Variants in NUP50 observed in about 807,000 individuals in gnomAD.
The protein encoded by NUP50 is nucleoporin 50, also known as nuclear pore complex protein Nup50.
A neutral mutation model predicts 36.8 loss-of-function variants in NUP50; 14 were observed. The ratio of observed to expected loss-of-function variants is 0.38; its 90% CI spans 0.25 to 0.59. The LOEUF is 0.59. Ranked by LOEUF, NUP50 falls within the 20% of genes least tolerant of loss-of-function variation. The pLI is 0.63. For missense variants in NUP50, 455 were observed against 564.6 expected, an observed-to-expected ratio of 0.81 and a Z score of 1.97; for synonymous variants, 195 against 210.8, an observed-to-expected ratio of 0.93 and a Z score of 0.65.
At chr22:45,180,786 C>T (rs1367604408) in intron 5 of NUP50, among the ~76,000 whole-genome samples, 1 of 151,800 alleles carries the variant, frequency 6.6e-6, no homozygotes, top group African/African-American at 2.4e-5. Context: ...TCAGACAAAG[C>T]TTAAATTACT....
chr22:45,176,414 T>G (rs930987756), intron 4 of NUP50, among the ~76,000 whole-genome samples: 3 of 152,176 alleles, frequency 2.0e-5, no homozygotes, highest in Non-Finnish European at 4.4e-5. Context: ...AAATGCTATG[T>G]AGACCCTTTG....
At chr22:45,184,115 A>G in intron 7 of NUP50, 1 of 304,518 alleles carries the variant, frequency 3.3e-6, no homozygotes, top group South Asian at 4.0e-5. Flanking sequence ...CAGTGAAGAC[A>G]CTGGGTTGTG....
intron 4 of NUP50, among the ~76,000 whole-genome samples, chr22:45,176,524 G>C (rs890534633): frequency 2.6e-5 from 4 of 152,184 alleles, no homozygotes; most frequent in Non-Finnish European, 4.4e-5. Flanking sequence ...GGTTTGTTTG[G>C]GTATGGGATG....
rs764389399 is a variant in NUP50, at chr22:45,178,232, C to T, written c.341-6C>T. 19 of 1,608,374 alleles carry T rather than the reference C, an allele frequency of 1.2e-5. No homozygotes were observed. The highest frequency in any genetic ancestry group is 1.4e-5 in the Non-Finnish European group (17 of 1,177,236). ...AATAAATGGTTCAATTATTAACTTT[C>T]TATAGGTTCTCTTGCTGCAAATGGC... is the stretch of plus-strand genomic sequence containing the variant. On this transcript the variant is annotated splice_polypyrimidine_tract_variant and splice_region_variant and intron_variant, in intron 4 of 7. Coordinates refer to ENST00000347635, the MANE Select transcript of NUP50 (RefSeq NM_007172.4).
Position 45,168,195 on chromosome 22 carries a change from C to G in NUP50, c.18C>G (p.Ala6=). 1 of 1,610,846 alleles carries G rather than the reference C, an allele frequency of 6.2e-7. No individual in the cohort carries two copies. The highest frequency in any genetic ancestry group is 8.5e-7 in the Non-Finnish European group (1 of 1,178,928). Residue 6 remains alanine, a synonymous_variant, in exon 2 of 8, where the codon GCC becomes GCG. Transcript: ENST00000347635. MAKRN[A]EKELTDRNWD... ...TCGAAAACATGGCCAAAAGAAATGC[C>G]GAGAAGGAACTGACAGATAGGAATT...
chr22:45,166,283 C>CTTTTTTTTT (rs71190641), intron 1 of NUP50: 9 of 121,976 alleles, frequency 7.4e-5, no homozygotes, highest in African/African-American at 2.7e-4. Flanking sequence ...TTTTCTTTTT[C>CTTTTTTTTT]TTTTTTTTTT....
chr22:45,177,889 G>T (rs1369139253), intron 4 of NUP50: 6 of 222,548 alleles, frequency 2.7e-5, no homozygotes, highest in Non-Finnish European at 5.4e-5. Flanking sequence ...AGCACTTTGG[G>T]AGTCCGAGGC....
chr22:45,184,413 G>C, intron 7 of NUP50, 40 bp from the exon 8 acceptor site: 1 of 1,571,064 alleles, frequency 6.4e-7, no homozygotes, highest in Middle Eastern at 1.7e-4. Context: ...TGGAGCTATA[G>C]CTTCTATAAT....
chr22:45,176,938 C>T (rs2074285663), intron 4 of NUP50, among the ~76,000 whole-genome samples: 1 of 152,076 alleles, frequency 6.6e-6, no homozygotes. Flanking sequence ...GACGGGGTTT[C>T]ACCATGTTGG....
intron 6 of NUP50, 30 bp from the exon 7 acceptor site, chr22:45,183,372 C>T (rs2147708069): frequency 1.5e-6 from 2 of 1,298,480 alleles, no homozygotes; most frequent in East Asian, 2.3e-5. Flanking sequence ...TCCTTGAATG[C>T]TTGATGGTCC....
At chr22:45,171,749 C>G in intron 3 of NUP50, 66 bp downstream of exon 3, 1 of 1,204,938 alleles carries the variant, frequency 8.3e-7, no homozygotes, top group Non-Finnish European at 1.2e-6. Flanking sequence ...ACAGCAATCC[C>G]TCCGCTGGGA....
chr22:45,186,426 TGAA>T lies in NUP50; in HGVS notation c.*1775_*1777del, dbSNP rs939137321. On this transcript the variant is annotated 3_prime_UTR_variant, in exon 8 of 8. Transcript: ENST00000347635. Reference sequence around the variant, plus strand: ...TAAGTTTATTCAGCTTTTAAAAAGATGAAGAACTAAGGGGAACAAATTTAAGTT... The same window carrying T: ...TAAGTTTATTCAGCTTTTAAAAAGATGAACTAAGGGGAACAAATTTAAGTT... The T allele has an allele frequency of 2.6e-5, 4 of 152,204 alleles. No homozygotes were observed. The highest frequency in any genetic ancestry group is 9.7e-5 in the African/African-American group (4 of 41,444). 9.4% of individuals were successfully genotyped at this position (152,204 alleles called of 1,614,324 possible).
chr22:45,164,073 C>T lies in NUP50; in HGVS notation c.-234C>T, dbSNP rs1028301896. 3 of 152,336 alleles carry T rather than the reference C, an allele frequency of 2.0e-5. No individual in the cohort carries two copies. Among genetic ancestry groups the T allele is most frequent in the African/African-American group, 7.2e-5 (3 of 41,468 alleles). The allele number at this position is 152,336 out of a possible 1,614,324, so 9.4% of individuals were successfully genotyped here. A position where few individuals can be genotyped will look rare whatever the true frequency, so the allele number is the denominator to read the frequency against. On this transcript the variant is annotated 5_prime_UTR_variant, in exon 1 of 8. Transcript: ENST00000347635. ...AGCTGTCTCTGGCTGAACCGGCGCT[C>T]TCGCCTCCCTGCCGAACACAGCGTG...
intron 4 of NUP50, 108 bp from the exon 5 acceptor site, chr22:45,178,130 G>C (rs1341174770): frequency 3.1e-6 from 3 of 978,114 alleles, no homozygotes; most frequent in Non-Finnish European, 4.6e-6. Context: ...TCTTGGTGTG[G>C]GGGGAGATAC....
At chr22:45,173,804 G>A (rs1354338916) in intron 3 of NUP50, among the ~76,000 whole-genome samples, 1 of 152,214 alleles carries the variant, frequency 6.6e-6, no homozygotes, top group Non-Finnish European at 1.5e-5. Flanking sequence ...AAGCTGAAGG[G>A]ATGAGGGAAG....
chr22:45,182,851 C>A (rs1313708211), intron 6 of NUP50, among the ~76,000 whole-genome samples: 1 of 151,874 alleles, frequency 6.6e-6, no homozygotes, highest in African/African-American at 2.4e-5. Flanking sequence ...GTCTCAATCT[C>A]CTGACCTCAT....
chr22:45,174,308 G>A (rs750127643), intron 3 of NUP50, among the ~76,000 whole-genome samples: 2 of 151,902 alleles, frequency 1.3e-5, no homozygotes, highest in Non-Finnish European at 2.9e-5. Context: ...CTCCTGAGTA[G>A]CTGGGACTAC....
intron 5 of NUP50, among the ~76,000 whole-genome samples, chr22:45,179,959 C>G (rs538747773): frequency 6.6e-6 from 1 of 152,342 alleles, no homozygotes; most frequent in South Asian, 2.1e-4. Context: ...CAATTTGCCT[C>G]TGAAATATTA....
chr22:45,180,057 C>T (rs957386226), intron 5 of NUP50, among the ~76,000 whole-genome samples: 4 of 152,224 alleles, frequency 2.6e-5, no homozygotes, highest in African/African-American at 9.6e-5. Flanking sequence ...CCTCTGGGCA[C>T]AGGGTGAAAT....
Sources: gnomAD v4.1 joint callset for allele counts (sites outside exome capture counted in the v4.1 genomes callset) on GRCh38, gnomAD v4.1.1 for gene constraint, MANE v1.5 for transcripts, NCBI Gene and HGNC (gene_info 2026-07-23, HGNC 2026-07-21) for gene names.